PTPRD: variants seen among roughly 807,000 people sequenced by gnomAD.
PTPRD encodes receptor-type tyrosine-protein phosphatase delta.
PTPRD carries 34 observed loss-of-function variants against 214.5 expected under a neutral mutation model. The ratio of observed to expected loss-of-function variants is 0.16; its 90% CI spans 0.12 to 0.21. The LOEUF (loss-of-function observed/expected upper bound fraction) is 0.21. Among genes scored for constraint, PTPRD ranks in the 10% least tolerant of loss-of-function variants. The pLI, the probability that PTPRD is intolerant of heterozygous loss-of-function variation, is 1.00. For missense variants in PTPRD, 2,545 were observed against 2,398.7 expected, an observed-to-expected ratio of 1.06 and a Z score of -1.27; for synonymous variants, 1,128 against 845.7, an observed-to-expected ratio of 1.33 and a Z score of -5.79.
chr9:10,093,081 C>T (rs921026772), intron 3 of PTPRD, among the ~76,000 whole-genome samples: 2 of 151,386 alleles, frequency 1.3e-5, no homozygotes. Context: ...GCAATTGCAA[C>T]AAAAACAAAA....
chr9:9,442,590 G>T (rs1314143546), intron 8 of PTPRD, among the ~76,000 whole-genome samples: 1 of 152,128 alleles, frequency 6.6e-6, no homozygotes, highest in Non-Finnish European at 1.5e-5. Flanking sequence ...GTTCTCTGGG[G>T]TACAGTTAGA....
At chr9:8,626,387 A>T (rs921212716) in intron 14 of PTPRD, among the ~76,000 whole-genome samples, 3 of 151,838 alleles carry the variant, frequency 2.0e-5, no homozygotes, top group African/African-American at 7.2e-5. Flanking sequence ...CCAATGAGTC[A>T]CGTCCCAACC....
chr9:10,277,498 G>A (rs1007482275), intron 3 of PTPRD, among the ~76,000 whole-genome samples: 2 of 152,146 alleles, frequency 1.3e-5, no homozygotes, highest in African/African-American at 4.8e-5. Flanking sequence ...ATTTGTAGAT[G>A]GGAATAATCA....
intron 6 of PTPRD, among the ~76,000 whole-genome samples, chr9:9,740,271 G>T (rs1349882594): frequency 6.6e-6 from 1 of 151,734 alleles, no homozygotes; most frequent in South Asian, 2.1e-4. Flanking sequence ...ATGCATATTA[G>T]CCATTAATAT....
rs577566147 is a variant in PTPRD, at chr9:9,578,500, T to C, written c.-286-3719A>G. The stretch of plus-strand genomic sequence containing the variant: ...AAAATTTGGGGGAGGGAGAGGAAAT[T>C]GAATAAAAATTATTTGGAAACCTAA... On this transcript the variant is annotated intron_variant, in intron 7 of 45. Coordinates refer to ENST00000381196, the MANE Select transcript of PTPRD (RefSeq NM_002839.4). 3.9e-5 allele frequency among the ~76,000 whole-genome samples: 6 copies of C among 152,138 alleles called. No homozygotes were observed. The East Asian group carries it at 1.2e-3, about 29-fold the overall frequency.
intron 9 of PTPRD, among the ~76,000 whole-genome samples, chr9:9,372,371 C>T (rs1162963131): frequency 6.6e-6 from 1 of 152,084 alleles, no homozygotes; most frequent in Non-Finnish European, 1.5e-5. Context: ...TATGTAATGG[C>T]CTTCTTTGTC....
intron 3 of PTPRD, among the ~76,000 whole-genome samples, chr9:10,167,173 A>G (rs1244916428): frequency 6.6e-6 from 1 of 151,360 alleles, no homozygotes; most frequent in East Asian, 1.9e-4. Context: ...ATGGAGTAGT[A>G]TGGAGCCTGA....
At chr9:8,663,711 C>G (rs1353209137) in intron 12 of PTPRD, among the ~76,000 whole-genome samples, 2 of 151,906 alleles carry the variant, frequency 1.3e-5, no homozygotes, top group East Asian at 1.9e-4. Flanking sequence ...GGCTGGTCTC[C>G]AACTCCTGAC....
At chr9:9,229,280 T>C (rs930140621) in intron 9 of PTPRD, among the ~76,000 whole-genome samples, 2 of 152,124 alleles carry the variant, frequency 1.3e-5, no homozygotes, top group Non-Finnish European at 2.9e-5. Flanking sequence ...ACTGATAAGA[T>C]TTGGATTGCA....
At chr9:9,458,772 C>A (rs1372699011) in intron 8 of PTPRD, among the ~76,000 whole-genome samples, 1 of 151,994 alleles carries the variant, frequency 6.6e-6, no homozygotes, top group Non-Finnish European at 1.5e-5. Flanking sequence ...GAAGCCCCAT[C>A]TGTACAAATG....
At chr9:10,460,323 C>T (rs999643750) in intron 2 of PTPRD, among the ~76,000 whole-genome samples, 1 of 151,398 alleles carries the variant, frequency 6.6e-6, no homozygotes, top group Non-Finnish European at 1.5e-5. Context: ...TAAATAGATT[C>T]AATGCAGTCC....
intron 2 of PTPRD, among the ~76,000 whole-genome samples, chr9:10,366,790 A>G (rs1334583723): frequency 6.6e-6 from 1 of 152,152 alleles, no homozygotes; most frequent in Non-Finnish European, 1.5e-5. Flanking sequence ...TGCCACATAC[A>G]TACGTGCACT....
intron 2 of PTPRD, among the ~76,000 whole-genome samples, chr9:10,343,109 TA>T (rs1006459499): frequency 2.0e-5 from 3 of 152,124 alleles, no homozygotes; most frequent in African/African-American, 7.2e-5. Flanking sequence ...GTATTTCTCC[TA>T]ATGCTATCCC....
At chr9:9,371,353 G>A (rs1254704433) in intron 9 of PTPRD, among the ~76,000 whole-genome samples, 1 of 152,152 alleles carries the variant, frequency 6.6e-6, no homozygotes, top group Non-Finnish European at 1.5e-5. Flanking sequence ...GGTTGTATGT[G>A]TCGAGGAATT....
intron 10 of PTPRD, among the ~76,000 whole-genome samples, chr9:9,060,796 C>G (rs142560620): frequency 6.6e-6 from 1 of 152,248 alleles, no homozygotes; most frequent in East Asian, 1.9e-4. Context: ...AAGTTATCAA[C>G]AGTGTCATGT....
In PTPRD at chr9:9,723,366, A is replaced by C. The variant is rs151313259; in HGVS notation, c.-287+11167T>G. On this transcript the variant is annotated intron_variant, in intron 7 of 45. Coordinates refer to ENST00000381196, the MANE Select transcript of PTPRD (RefSeq NM_002839.4). ...ATTTCTGGACATTCAATTCTATTCC[A>C]TTGATTTATTCGTTAGGCCAATTTT... Among the ~76,000 whole-genome samples the C allele has an allele frequency of 1.7e-3, 255 of 152,192 alleles. 1 individual carries two copies. The highest frequency in any genetic ancestry group is 5.7e-3 in the African/African-American group (238 of 41,570).
chr9:10,398,054 C>T (rs998666897), intron 2 of PTPRD, among the ~76,000 whole-genome samples: 2 of 151,314 alleles, frequency 1.3e-5, no homozygotes, highest in Non-Finnish European at 2.9e-5. Flanking sequence ...TCTGGCCTTC[C>T]TCTGCTTGTG....
intron 3 of PTPRD, among the ~76,000 whole-genome samples, chr9:10,177,539 G>A (rs552503427): frequency 1.3e-5 from 2 of 151,812 alleles, no homozygotes; most frequent in African/African-American, 4.8e-5. Flanking sequence ...AAAGATAGGC[G>A]GGACAGGAAG....
intron 8 of PTPRD, among the ~76,000 whole-genome samples, chr9:9,460,239 C>T (rs1400083487): frequency 6.6e-6 from 1 of 151,970 alleles, no homozygotes; most frequent in Non-Finnish European, 1.5e-5. Flanking sequence ...ATTAAAAATC[C>T]TAGAATAAAA....
Sources: allele counts gnomAD v4.1 joint callset (sites outside exome capture counted in the v4.1 genomes callset), GRCh38; gene constraint gnomAD v4.1.1; transcripts MANE v1.5; gene names NCBI Gene and HGNC (gene_info 2026-07-23, HGNC 2026-07-21).